The following ZFAND3 variants were observed in gnomAD, a reference collection of about 807,000 sequenced individuals.
The protein encoded by ZFAND3 is zinc finger AN1-type containing 3.
ZFAND3 carries 10 observed loss-of-function variants against 29.6 expected under a neutral mutation model. The observed-to-expected ratio is 0.34, with a 90% CI of 0.21 to 0.57. The LOEUF (loss-of-function observed/expected upper bound fraction) is 0.57, where lower values mean the gene tolerates loss of function less well. Ranked by LOEUF, ZFAND3 falls within the 20% of genes least tolerant of loss-of-function variation. ZFAND3 has a pLI of 0.86. For synonymous variants in ZFAND3, 128 were observed against 112.6 expected (o/e 1.14, Z -0.87); for missense variants, 230 against 304.5 (o/e 0.76, Z 1.82).
chr6:38,064,100 T>A (rs1045114548), intron 3 of ZFAND3, among the ~76,000 whole-genome samples: 21 of 152,344 alleles, frequency 1.4e-4, no homozygotes, highest in South Asian at 2.1e-4. Flanking sequence ...ACCATCCATT[T>A]ATACCCAATT....
intron 2 of ZFAND3, among the ~76,000 whole-genome samples, chr6:37,985,861 A>G (rs903478929): frequency 2.0e-5 from 3 of 152,152 alleles, no homozygotes; most frequent in Admixed American, 1.3e-4. Context: ...AGCTATGTGG[A>G]ATTTGCTTTT....
chr6:38,152,358 C>T lies in ZFAND3; in HGVS notation c.653C>T (p.Ser218Phe). The T allele has an allele frequency of 6.2e-7, 1 of 1,605,394 alleles. No individual in the cohort carries two copies. Among genetic ancestry groups the T allele is most frequent in the Non-Finnish European group, 8.5e-7 (1 of 1,176,160 alleles). ...MVKLDRKVGR[S>F]CQRIGEGCS ...AAGCTGGACCGGAAAGTGGGGCGCTCCTGCCAGCGCATCGGGGAGGGGTGC... is the reference window on the plus strand; with the variant it reads ...AAGCTGGACCGGAAAGTGGGGCGCTTCTGCCAGCGCATCGGGGAGGGGTGC... Residue 218 changes from serine to phenylalanine, a missense_variant, in exon 6 of 6, where the codon TCC (serine) becomes TTC (phenylalanine). Transcript: ENST00000287218.
At chr6:38,089,092 AAC>A (rs1764814018) in intron 4 of ZFAND3, among the ~76,000 whole-genome samples, 1 of 152,018 alleles carries the variant, frequency 6.6e-6, no homozygotes, top group Admixed American at 6.6e-5. Flanking sequence ...CAAAAAAGAG[AAC>A]AGTTTTTCCC....
In ZFAND3 at chr6:38,034,038, C is replaced by T. The variant is rs79027697; in HGVS notation, c.113-27555C>T. On this transcript the variant is annotated intron_variant, in intron 2 of 5. Coordinates refer to ENST00000287218, the MANE Select transcript of ZFAND3 (RefSeq NM_021943.3). ...CTAGCTTGTGCATTGATTTTCTAAC[C>T]TTTTGTCCATTTAGGGATCTGAAAA... Among the ~76,000 whole-genome samples the T allele has an allele frequency of 0.014, 2,162 of 152,040 alleles. 250 individuals are homozygous for T. In the East Asian group the frequency reaches 0.28, roughly 20 times the overall value.
At chr6:38,111,989 C>T (rs1185034446) in intron 4 of ZFAND3, among the ~76,000 whole-genome samples, 5 of 152,128 alleles carry the variant, frequency 3.3e-5, no homozygotes, top group Non-Finnish European at 7.3e-5. Flanking sequence ...TACCGAGAGA[C>T]GGACTGTGCA....
chr6:37,918,569 CT>C (rs1289219435), intron 1 of ZFAND3, among the ~76,000 whole-genome samples: 1 of 152,130 alleles, frequency 6.6e-6, no homozygotes, highest in Non-Finnish European at 1.5e-5. Context: ...TACTTTTCAT[CT>C]TTCATTAAAA....
intron 1 of ZFAND3, among the ~76,000 whole-genome samples, chr6:37,898,385 ATGC>A (rs892632178): frequency 2.0e-5 from 3 of 152,224 alleles, no homozygotes; most frequent in Admixed American, 6.5e-5. Context: ...CATCAGTGAC[ATGC>A]TGTCTCTATT....
At chr6:38,114,575 A>G (rs1765380410) in intron 4 of ZFAND3, among the ~76,000 whole-genome samples, 1 of 152,244 alleles carries the variant, frequency 6.6e-6, no homozygotes, top group African/African-American at 2.4e-5. Flanking sequence ...TGAAGTCTGT[A>G]GTTGCTAAGA....
At chr6:38,045,130 A>G (rs1378476261) in intron 2 of ZFAND3, among the ~76,000 whole-genome samples, 2 of 150,276 alleles carry the variant, frequency 1.3e-5, no homozygotes, top group Non-Finnish European at 3.0e-5. Flanking sequence ...TCTGTCGCCC[A>G]GACTGGAGTG....
chr6:37,896,499 T>A (rs1212353075), intron 1 of ZFAND3, among the ~76,000 whole-genome samples: 1 of 151,852 alleles, frequency 6.6e-6, no homozygotes, highest in Non-Finnish European at 1.5e-5. Flanking sequence ...GGTGTCTTAA[T>A]TTTTTTCCTC....
At chr6:38,151,994 C>T (rs1021043499) in intron 5 of ZFAND3, among the ~76,000 whole-genome samples, 1 of 152,166 alleles carries the variant, frequency 6.6e-6, no homozygotes, top group Admixed American at 6.5e-5. Flanking sequence ...ACTTAGGGTT[C>T]TACCCTTCAA....
At chr6:38,139,889 T>TG (rs767815106) in intron 5 of ZFAND3, among the ~76,000 whole-genome samples, 8 of 152,164 alleles carry the variant, frequency 5.3e-5, no homozygotes, top group Non-Finnish European at 1.0e-4. Context: ...GCAGTAGCCC[T>TG]GGAAAAAAAG....
chr6:37,990,282 A>T (rs1762736857), intron 2 of ZFAND3, among the ~76,000 whole-genome samples: 1 of 152,150 alleles, frequency 6.6e-6, no homozygotes, highest in Non-Finnish European at 1.5e-5. Context: ...AGAGTTTTGC[A>T]TTCAAATTTC....
At chr6:38,053,222 C>G (rs1764063855) in intron 2 of ZFAND3, among the ~76,000 whole-genome samples, 1 of 151,354 alleles carries the variant, frequency 6.6e-6, no homozygotes. Context: ...GGTTAGGATT[C>G]TGGATCTGGT....
At chr6:37,864,937 T>C (rs1167476474) in intron 1 of ZFAND3, among the ~76,000 whole-genome samples, 1 of 152,134 alleles carries the variant, frequency 6.6e-6, no homozygotes, top group South Asian at 2.1e-4. Context: ...CCCAGCACTT[T>C]GGGAGGCCAA....
chr6:37,943,811 A>G lies in ZFAND3; in HGVS notation c.112+13812A>G, dbSNP rs182947290. Among the ~76,000 whole-genome samples, 206 of 152,356 alleles carry G rather than the reference A, an allele frequency of 1.4e-3. 1 individual carries two copies. The highest frequency in any genetic ancestry group is 4.8e-3 in the African/African-American group (201 of 41,594). On this transcript the variant is annotated intron_variant, in intron 2 of 5. Transcript: ENST00000287218. The stretch of plus-strand genomic sequence containing the variant: ...GGTACTCAGTCCAAATGTCTACTGA[A>G]TTAATGAGTTTCAAAGTAAACTGAA...
chr6:38,077,090 C>T (rs1310882471), intron 3 of ZFAND3, among the ~76,000 whole-genome samples: 3 of 149,632 alleles, frequency 2.0e-5, no homozygotes, highest in Non-Finnish European at 4.4e-5. Context: ...ATCTCCATTG[C>T]ATAGATTTTT....
At chr6:37,951,026 G>C (rs186293051) in intron 2 of ZFAND3, among the ~76,000 whole-genome samples, 3 of 152,206 alleles carry the variant, frequency 2.0e-5, no homozygotes, top group Admixed American at 2.0e-4. Flanking sequence ...ACTTGTTCGT[G>C]TCATCTCTGA....
intron 1 of ZFAND3, among the ~76,000 whole-genome samples, chr6:37,906,335 G>A (rs544752245): frequency 5.9e-5 from 9 of 152,172 alleles, no homozygotes; most frequent in East Asian, 5.8e-4. Context: ...GGGCTTATCC[G>A]TGTTGTTGTG....
Sources: gnomAD v4.1 joint callset for allele counts (sites outside exome capture counted in the v4.1 genomes callset) on GRCh38, gnomAD v4.1.1 for gene constraint, MANE v1.5 for transcripts, NCBI Gene and HGNC (gene_info 2026-07-23, HGNC 2026-07-21) for gene names.